The following CNTNAP5 variants were observed in gnomAD, a reference collection of about 807,000 sequenced individuals.
CNTNAP5 encodes contactin associated protein family member 5, also known as contactin-associated protein-like 5.
A neutral mutation model predicts 150.2 loss-of-function variants in CNTNAP5; 72 were observed. The ratio of observed to expected loss-of-function variants is 0.48; its 90% CI spans 0.40 to 0.58. CNTNAP5 has a LOEUF of 0.58. Ranked by LOEUF, CNTNAP5 falls within the 20% of genes least tolerant of loss-of-function variation. The pLI, the probability that CNTNAP5 is intolerant of heterozygous loss-of-function variation, is 0.00. For synonymous variants in CNTNAP5, 672 were observed against 619.8 expected (o/e 1.08, Z -1.25); for missense variants, 1,636 against 1,626.2 (o/e 1.01, Z -0.10).
chr2:124,694,945 T>C (rs1679374558), intron 13 of CNTNAP5, among the ~76,000 whole-genome samples: 1 of 152,152 alleles, frequency 6.6e-6, no homozygotes. Flanking sequence ...AGCTGCTTCT[T>C]TGGCGAGTCA....
intron 4 of CNTNAP5, among the ~76,000 whole-genome samples, chr2:124,421,181 A>G (rs1443250396): frequency 6.6e-6 from 1 of 152,214 alleles, no homozygotes; most frequent in African/African-American, 2.4e-5. Flanking sequence ...ACACATCTAC[A>G]TGCTGGTCAC....
chr2:124,754,327 C>A (rs7588987), intron 14 of CNTNAP5, among the ~76,000 whole-genome samples: 94,717 of 152,002 alleles, frequency 0.62, 30,222 homozygotes, highest in East Asian at 0.96. Flanking sequence ...TGTTTATGAG[C>A]TACTCTACTG....
chr2:124,803,287 G>A (rs930687237), intron 19 of CNTNAP5, among the ~76,000 whole-genome samples: 28 of 152,118 alleles, frequency 1.8e-4, no homozygotes, highest in African/African-American at 6.8e-4. Context: ...AGTTGGTCAT[G>A]AAAGATAAAT....
intron 1 of CNTNAP5, among the ~76,000 whole-genome samples, chr2:124,050,876 G>A (rs1558738304): frequency 6.6e-6 from 1 of 152,158 alleles, no homozygotes; most frequent in Non-Finnish European, 1.5e-5. Flanking sequence ...TTATAGTAGG[G>A]ACCAGCCCAG....
At chr2:124,739,535 A>T (rs1680455730) in intron 13 of CNTNAP5, among the ~76,000 whole-genome samples, 1 of 152,156 alleles carries the variant, frequency 6.6e-6, no homozygotes, top group African/African-American at 2.4e-5. Flanking sequence ...TGGCCTTATA[A>T]CTTTGGTGGC....
chr2:124,159,705 G>C (rs1010408090), intron 1 of CNTNAP5, among the ~76,000 whole-genome samples: 1 of 152,080 alleles, frequency 6.6e-6, no homozygotes, highest in African/African-American at 2.4e-5. Context: ...CTCTTCAAGG[G>C]TATAGCTAAA....
At chr2:124,101,528 G>A (rs772114327) in intron 1 of CNTNAP5, among the ~76,000 whole-genome samples, 2 of 152,298 alleles carry the variant, frequency 1.3e-5, no homozygotes, top group African/African-American at 4.8e-5. Flanking sequence ...ATATTTGAAG[G>A]TGGTTTAGGA....
intron 1 of CNTNAP5, among the ~76,000 whole-genome samples, chr2:124,176,838 G>GCT (rs1361485159): frequency 2.4e-3 from 252 of 105,490 alleles, no homozygotes; most frequent in African/African-American, 8.9e-3. Flanking sequence ...CTTTGTTATT[G>GCT]CTGGTTTTTT....
chr2:124,180,496 A>G (rs778246067), intron 1 of CNTNAP5, among the ~76,000 whole-genome samples: 5 of 152,178 alleles, frequency 3.3e-5, no homozygotes, highest in African/African-American at 4.8e-5. Flanking sequence ...CTGAATATAC[A>G]TATAAATGCT....
At position 124,434,458 on chromosome 2, in the gene CNTNAP5, C is replaced by G. The variant is rs746190851; in HGVS notation, c.530-26C>G. The G allele has an allele frequency of 1.9e-6, 3 of 1,584,184 alleles. No individual in the cohort carries two copies. The South Asian group carries it at 3.3e-5, about 18-fold the overall frequency. The stretch of plus-strand genomic sequence containing the variant: ...GTCATGAGAATATGCACTAATTTTT[C>G]TTTCCCGCTCCTTCTTTGTTCCCAG... On this transcript the variant is annotated intron_variant, in intron 4 of 23. Transcript: ENST00000682447.
rs1171115333 is a variant in CNTNAP5 at position 124,340,854 on chromosome 2, C to G, written c.382-76589C>G. ...GCGTGTGCGTGTGTATATATGTACA[C>G]ACACACTATATGTATATACACATAT... On this transcript the variant is annotated intron_variant, in intron 3 of 23. Coordinates refer to ENST00000682447, the MANE Select transcript of CNTNAP5 (RefSeq NM_001367498.1). Among the ~76,000 whole-genome samples the G allele has an allele frequency of 2.0e-5, 3 of 147,794 alleles. No individual in the cohort carries two copies. In the South Asian group the frequency reaches 6.3e-4, roughly 31 times the overall value.
chr2:124,691,545 T>C (rs1054110305), intron 13 of CNTNAP5, among the ~76,000 whole-genome samples: 2 of 152,214 alleles, frequency 1.3e-5, no homozygotes, highest in African/African-American at 4.8e-5. Context: ...CTCAGTATTG[T>C]TGAAATTATT....
At chr2:124,344,543 G>A (rs1205238413) in intron 3 of CNTNAP5, among the ~76,000 whole-genome samples, 1 of 152,088 alleles carries the variant, frequency 6.6e-6, no homozygotes, top group African/African-American at 2.4e-5. Flanking sequence ...GCCGAGGCAG[G>A]AGGATCAGTT....
chr2:124,245,369 A>C (rs1025987815), intron 3 of CNTNAP5, among the ~76,000 whole-genome samples: 3 of 152,016 alleles, frequency 2.0e-5, no homozygotes, highest in Non-Finnish European at 4.4e-5. Context: ...TTTTCTTTTT[A>C]CTTTTTATTT....
At chr2:124,151,532 G>A (rs1684405465) in intron 1 of CNTNAP5, among the ~76,000 whole-genome samples, 1 of 152,130 alleles carries the variant, frequency 6.6e-6, no homozygotes, top group African/African-American at 2.4e-5. Context: ...TTCCTCATTT[G>A]TACCTCCTAG....
intron 13 of CNTNAP5, among the ~76,000 whole-genome samples, chr2:124,721,729 AAATTCAAAATTCTG>A (rs1680054204): frequency 6.6e-6 from 1 of 152,092 alleles, no homozygotes; most frequent in African/African-American, 2.4e-5. Flanking sequence ...GGGGATTTTA[AAATTCAAAATTCTG>A]ATATATCAGG....
chr2:124,629,115 A>T (rs1195852630), intron 12 of CNTNAP5, among the ~76,000 whole-genome samples: 1 of 152,190 alleles, frequency 6.6e-6, no homozygotes, highest in Non-Finnish European at 1.5e-5. Flanking sequence ...ATAGTGGGAG[A>T]CTTTAAAACC....
intron 1 of CNTNAP5, chr2:124,135,136 C>G (rs1683944972): frequency 6.6e-6 from 1 of 152,136 alleles, no homozygotes; most frequent in African/African-American, 2.4e-5. Context: ...AGTAAGAAAG[C>G]CTGAAAGACT....
At chr2:124,306,654 C>T (rs921656500) in intron 3 of CNTNAP5, among the ~76,000 whole-genome samples, 1 of 151,960 alleles carries the variant, frequency 6.6e-6, no homozygotes, top group African/African-American at 2.4e-5. Flanking sequence ...AATCTCTACC[C>T]CAGAACACAC....
Sources: allele counts gnomAD v4.1 joint callset (sites outside exome capture counted in the v4.1 genomes callset), GRCh38; gene constraint gnomAD v4.1.1; transcripts MANE v1.5; gene names NCBI Gene and HGNC (gene_info 2026-07-23, HGNC 2026-07-21).